Variants in DCP1B observed in about 807,000 individuals in gnomAD.
DCP1B encodes the protein mRNA-decapping enzyme 1B.
A neutral mutation model predicts 60.5 loss-of-function variants in DCP1B; 47 were observed. The ratio of observed to expected loss-of-function variants is 0.78; its 90% confidence interval spans 0.61 to 0.99. DCP1B has a LOEUF of 0.99. Ranked by LOEUF, DCP1B falls within the 50% of genes least tolerant of loss-of-function variation. The pLI, the probability that DCP1B is intolerant of heterozygous loss-of-function variation, is 0.00. For missense variants in DCP1B, 725 were observed against 756.8 expected (o/e 0.96, Z 0.49); for synonymous variants, 267 against 280.3 (o/e 0.95, Z 0.47).
chr12:1,965,757 C>A, intron 4 of DCP1B, 64 bp from the exon 5 acceptor site: 2 of 1,530,970 alleles, frequency 1.3e-6, no homozygotes, highest in Admixed American at 2.1e-5. Flanking sequence ...ATGTTTAAAA[C>A]CATCCCAATT....
At position 1,948,990 on chromosome 12, in the gene DCP1B, A is replaced by C. The variant is rs2030547868; in HGVS notation, c.1773+96T>G. On this transcript the variant is annotated intron_variant, in intron 8 of 8. Transcript: ENST00000280665. This position sits in a 1 kb window ranked among gnomAD's most constrained non-coding sequence, Gnocchi z 4.8. The stretch of plus-strand genomic sequence containing the variant: ...TACACACACCTGTTATTCTCACGGA[A>C]GCTAAGCAGGCCTTGGCTGAGTCTT... 1 of 1,494,420 alleles carries C rather than the reference A, an allele frequency of 6.7e-7. No individual in the cohort carries two copies. Among genetic ancestry groups the C allele is most frequent in the African/African-American group, 1.4e-5 (1 of 72,184 alleles). 92.6% of individuals were successfully genotyped at this position (1,494,420 alleles called of 1,614,324 possible).
At chr12:1,993,564 C>T (rs1270685599) in intron 2 of DCP1B, among the ~76,000 whole-genome samples, 173 bp from the exon 3 acceptor site, 1 of 151,814 alleles carries the variant, frequency 6.6e-6, no homozygotes, top group Non-Finnish European at 1.5e-5. Context: ...GACTAATTCC[C>T]ATGTAATGCA....
downstream of DCP1B, among the ~76,000 whole-genome samples, chr12:1,943,131 C>G (rs1358715200): frequency 6.6e-6 from 1 of 152,164 alleles, no homozygotes. Flanking sequence ...ACAGATCCCA[C>G]AGAAATACAA....
intron 1 of DCP1B, among the ~76,000 whole-genome samples, chr12:2,000,218 T>C (rs1288797996): frequency 6.6e-6 from 1 of 152,206 alleles, no homozygotes; most frequent in Non-Finnish European, 1.5e-5. Flanking sequence ...TATTTGGTAT[T>C]ATCCATTACA....
chr12:1,988,729 G>A (rs1053913029), intron 3 of DCP1B, among the ~76,000 whole-genome samples: 1 of 152,174 alleles, frequency 6.6e-6, no homozygotes, highest in African/African-American at 2.4e-5. Context: ...CACTTTAGAA[G>A]GCAACTTTTA....
chr12:1,968,873 T>C (rs2031556944), intron 3 of DCP1B, among the ~76,000 whole-genome samples: 1 of 152,262 alleles, frequency 6.6e-6, no homozygotes, highest in South Asian at 2.1e-4. Context: ...ATACCTGCTA[T>C]TGATTCATTC....
intron 3 of DCP1B, among the ~76,000 whole-genome samples, chr12:1,985,377 C>G (rs114533772): frequency 1.8e-3 from 281 of 152,280 alleles, no homozygotes; most frequent in African/African-American, 6.4e-3. Flanking sequence ...CTTCTTTCCA[C>G]TGTCATCTGC....
At chr12:1,993,201 C>A (rs761142720) in intron 3 of DCP1B, 63 bp downstream of exon 3, 3 of 1,610,722 alleles carry the variant, frequency 1.9e-6, no homozygotes, top group Non-Finnish European at 1.7e-6. Flanking sequence ...AAACACTGTA[C>A]AATTTTAAAC....
At position 1,962,306 on chromosome 12, in the gene DCP1B, A is replaced by C. The variant is rs2031155420; in HGVS notation, c.522+3252T>G. Among the ~76,000 whole-genome samples the C allele has an allele frequency of 6.6e-6, 1 of 152,176 alleles. No homozygotes were observed. The highest frequency in any genetic ancestry group is 1.5e-5 in the Non-Finnish European group (1 of 68,040). ...CATATTAAAGGCGTGCTCCTGGCCAAGCCCTTTGCTATCTCTGAACACTGG... is the reference window on the plus strand; with the variant it reads ...CATATTAAAGGCGTGCTCCTGGCCACGCCCTTTGCTATCTCTGAACACTGG... On this transcript the variant is annotated intron_variant, in intron 5 of 8. Transcript: ENST00000280665. The surrounding 1 kb of genome is among the most constrained non-coding windows in gnomAD (Gnocchi z 4.4).
rs147649696 is a variant in DCP1B at position 1,953,276 on chromosome 12, C to T, written c.664G>A (p.Glu222Lys). 38 of 1,595,578 alleles carry T rather than the reference C, an allele frequency of 2.4e-5. No individual in the cohort carries two copies. In the Admixed American group the frequency reaches 4.7e-4, roughly 20 times the overall value. ...IPQPNQTLDP[E>K]PQHLSLTALF... ...GCTGTCAAGGATAAGTGTTGGGGTT[C>T]AGGGTCTAAGGTCTGGAAAAAATAA... The change falls in exon 7 of 9, where the codon GAA becomes AAA. Residue 222 changes from glutamate to lysine, a missense_variant. By Grantham distance (56) the Glu-to-Lys change is moderately conservative. Transcript: ENST00000280665.
rs979414062 is a variant in DCP1B at position 1,948,141 on chromosome 12, G to A, written c.1773+945C>T. Among the ~76,000 whole-genome samples the A allele has an allele frequency of 1.3e-5, 2 of 152,224 alleles. No homozygotes were observed. The highest frequency in any genetic ancestry group is 2.9e-5 in the Non-Finnish European group (2 of 68,038). ...AAAAAGACACCTAAATATGTTAACT[G>A]GGGTGTCTGAAGTCTGTCTGGCTAC... On this transcript the variant is annotated intron_variant, in intron 8 of 8. Transcript: ENST00000280665. This position sits in a 1 kb window ranked among gnomAD's most constrained non-coding sequence, Gnocchi z 4.8.
At chr12:1,989,755 C>T (rs908312749) in intron 3 of DCP1B, among the ~76,000 whole-genome samples, 1 of 152,158 alleles carries the variant, frequency 6.6e-6, no homozygotes, top group Non-Finnish European at 1.5e-5. Flanking sequence ...CATGTCATTG[C>T]TGTCTATAAC....
chr12:1,942,810 A>G (rs1285126104), downstream of DCP1B, among the ~76,000 whole-genome samples: 5 of 152,220 alleles, frequency 3.3e-5, no homozygotes, highest in Non-Finnish European at 7.3e-5. Flanking sequence ...TTAGAGGGAA[A>G]TTTATAGCAC....
At chr12:1,952,018 A>C (rs143757198) in intron 7 of DCP1B, among the ~76,000 whole-genome samples, 36 of 152,354 alleles carry the variant, frequency 2.4e-4, no homozygotes, top group Admixed American at 2.4e-3. Context: ...TTGTTAACCA[A>C]AGTGAAGATT....
intron 3 of DCP1B, among the ~76,000 whole-genome samples, chr12:1,989,588 C>G (rs2038817922): frequency 6.6e-6 from 1 of 152,138 alleles, no homozygotes; most frequent in Non-Finnish European, 1.5e-5. Flanking sequence ...GTGCCATACA[C>G]CTATAATCCC....
downstream of DCP1B, among the ~76,000 whole-genome samples, chr12:1,945,868 C>A (rs962990623): frequency 1.3e-5 from 2 of 152,072 alleles, no homozygotes; most frequent in Non-Finnish European, 2.9e-5. Context: ...GAACATCACA[C>A]ACTGGGGTCT....
intron 3 of DCP1B, among the ~76,000 whole-genome samples, chr12:1,989,702 A>C (rs1458591048): frequency 1.3e-5 from 2 of 152,236 alleles, no homozygotes; most frequent in Non-Finnish European, 2.9e-5. Flanking sequence ...AAATAGAGCA[A>C]GACTCCGTCT....
chr12:1,944,188 T>C (rs868419992), downstream of DCP1B, among the ~76,000 whole-genome samples: 3 of 152,120 alleles, frequency 2.0e-5, no homozygotes, highest in African/African-American at 7.2e-5. Flanking sequence ...TCACAATTGC[T>C]ACAAAGATAA....
chr12:1,965,115 C>T (rs777811044), intron 5 of DCP1B, among the ~76,000 whole-genome samples: 15 of 152,112 alleles, frequency 9.9e-5, no homozygotes, highest in Non-Finnish European at 2.1e-4. Flanking sequence ...TATCCAACAA[C>T]AGGGTGTATA....
Sources: gnomAD v4.1 joint callset for allele counts (sites outside exome capture counted in the v4.1 genomes callset) on GRCh38, gnomAD v4.1.1 for gene constraint, Gnocchi (gnomAD v3.1) non-coding constraint, MANE v1.5 for transcripts, NCBI Gene and HGNC (gene_info 2026-07-23, HGNC 2026-07-21) for gene names.